CTNNA3: variants seen among roughly 807,000 people sequenced by gnomAD.
CTNNA3 encodes the protein catenin alpha-3.
Under a neutral mutation model 95.7 loss-of-function variants are expected in CTNNA3, and 76 were observed. That is an observed-to-expected ratio of 0.79 (90% CI 0.66 to 0.96). CTNNA3 has a LOEUF of 0.96. Among genes scored for constraint, CTNNA3 ranks in the 40% least tolerant of loss-of-function variants. The pLI is 0.00. For missense variants in CTNNA3, 1,191 were observed against 1,089.8 expected, an observed-to-expected ratio of 1.09 and a Z score of -1.31; for synonymous variants, 431 against 374.4, an observed-to-expected ratio of 1.15 and a Z score of -1.74.
chr10:66,660,014 G>T (rs1183703959), intron 9 of CTNNA3, among the ~76,000 whole-genome samples: 2 of 151,872 alleles, frequency 1.3e-5, no homozygotes, highest in African/African-American at 2.4e-5. Context: ...TAGTGACAGG[G>T]TCTCACTAAG....
At chr10:67,074,413 C>T (rs542182089) in intron 7 of CTNNA3, among the ~76,000 whole-genome samples, 5 of 135,432 alleles carry the variant, frequency 3.7e-5, no homozygotes, top group South Asian at 4.7e-4. Context: ...TGCAGTGGCA[C>T]GATCTCGGCT....
At chr10:67,089,254 G>C (rs1458435783) in intron 7 of CTNNA3, among the ~76,000 whole-genome samples, 1 of 151,984 alleles carries the variant, frequency 6.6e-6, no homozygotes, top group Non-Finnish European at 1.5e-5. Flanking sequence ...TAAAAATTAA[G>C]TACCAGGGCC....
chr10:66,906,337 A>G (rs997882366), intron 7 of CTNNA3, among the ~76,000 whole-genome samples: 1 of 152,206 alleles, frequency 6.6e-6, no homozygotes, highest in African/African-American at 2.4e-5. Context: ...GCCTAGAAAT[A>G]GCTTACAGGA....
At chr10:66,947,015 T>A (rs529179117) in intron 7 of CTNNA3, among the ~76,000 whole-genome samples, 1 of 152,274 alleles carries the variant, frequency 6.6e-6, no homozygotes, top group South Asian at 2.1e-4. Flanking sequence ...GAGGTAATCA[T>A]CTTTTTAAGT....
intron 9 of CTNNA3, among the ~76,000 whole-genome samples, chr10:66,729,361 T>G (rs1404328389): frequency 6.6e-6 from 1 of 152,234 alleles, no homozygotes. Flanking sequence ...AGAGTGCAAA[T>G]TAGTTCAACA....
chr10:67,280,476 G>A (rs1019696669), intron 5 of CTNNA3, among the ~76,000 whole-genome samples: 4 of 151,968 alleles, frequency 2.6e-5, no homozygotes, highest in Non-Finnish European at 5.9e-5. Flanking sequence ...TCCATTGAAA[G>A]GTAAGGAGAG....
rs1842822381 is a variant in CTNNA3, at chr10:66,834,335, T to G, written c.1048-58811A>C. Among the ~76,000 whole-genome samples the G allele has an allele frequency of 1.3e-5, 2 of 152,244 alleles. 1 individual carries two copies. The highest frequency in any genetic ancestry group is 4.1e-4 in the South Asian group (2 of 4,828). Reference sequence around the variant, plus strand: ...CGTCCTAAGGGTCCACTGTGTATCCTGACTGTGCTGAGTATTACAAGGGGC... The same window carrying G: ...CGTCCTAAGGGTCCACTGTGTATCCGGACTGTGCTGAGTATTACAAGGGGC... On this transcript the variant is annotated intron_variant, in intron 7 of 17. Transcript: ENST00000433211.
intron 8 of CTNNA3, among the ~76,000 whole-genome samples, chr10:66,773,281 T>C (rs1354794286): frequency 6.6e-6 from 1 of 152,168 alleles, no homozygotes; most frequent in Non-Finnish European, 1.5e-5. Context: ...CCTACTCCTA[T>C]TGAACTGGGA....
chr10:66,862,079 G>C (rs777969503), intron 7 of CTNNA3, among the ~76,000 whole-genome samples: 22 of 152,098 alleles, frequency 1.4e-4, no homozygotes, highest in Non-Finnish European at 2.9e-4. Flanking sequence ...GCCAGGTGTG[G>C]TGGCACATGC....
intron 9 of CTNNA3, among the ~76,000 whole-genome samples, chr10:66,690,440 G>A (rs2132534112): frequency 6.6e-6 from 1 of 151,330 alleles, no homozygotes; most frequent in African/African-American, 2.4e-5. Context: ...TCGTCATTTA[G>A]CATTAGGTAT....
At chr10:66,349,951 A>G (rs1343999171) in intron 12 of CTNNA3, among the ~76,000 whole-genome samples, 1 of 152,104 alleles carries the variant, frequency 6.6e-6, no homozygotes, top group Non-Finnish European at 1.5e-5. Flanking sequence ...CAGTTTACAG[A>G]GCCAAAGAAA....
intron 1 of CTNNA3, among the ~76,000 whole-genome samples, chr10:67,731,687 AGCTACTCGGGAGGCTGAGGCAGGAAAAT>A (rs1195204194): frequency 6.6e-6 from 1 of 151,016 alleles, no homozygotes; most frequent in Non-Finnish European, 1.5e-5. Flanking sequence ...CTGTAGTCCC[AGCTACTCGGGAGGCTGAGGCAGGAAAAT>A]GGCGTGAACC....
intron 7 of CTNNA3, among the ~76,000 whole-genome samples, chr10:67,164,389 A>G (rs1297166306): frequency 2.0e-5 from 3 of 152,128 alleles, no homozygotes; most frequent in Non-Finnish European, 4.4e-5. Context: ...GCAACTGGAT[A>G]TCAATAGGCA....
intron 11 of CTNNA3, among the ~76,000 whole-genome samples, chr10:66,432,519 G>A (rs528191092): frequency 1.8e-4 from 28 of 152,078 alleles, no homozygotes; most frequent in South Asian, 2.1e-4. Flanking sequence ...TTAGCCGGGC[G>A]TAGTGGTGGC....
intron 15 of CTNNA3, among the ~76,000 whole-genome samples, chr10:66,005,800 C>T (rs992711196): frequency 6.6e-6 from 1 of 151,968 alleles, no homozygotes; most frequent in African/African-American, 2.4e-5. Context: ...TCCTCTTTGA[C>T]ACCCATGGAC....
chr10:66,139,909 T>C (rs1426889669), intron 13 of CTNNA3, among the ~76,000 whole-genome samples: 2 of 152,202 alleles, frequency 1.3e-5, no homozygotes, highest in Non-Finnish European at 2.9e-5. Flanking sequence ...CTTTTCCTGA[T>C]GATTTTGTAA....
intron 5 of CTNNA3, among the ~76,000 whole-genome samples, chr10:67,339,079 G>A (rs1459999846): frequency 6.6e-6 from 1 of 152,182 alleles, no homozygotes; most frequent in African/African-American, 2.4e-5. Context: ...GTAGAATGGA[G>A]AAGTGGCTGA....
chr10:66,864,666 G>C (rs1175715468), intron 7 of CTNNA3, among the ~76,000 whole-genome samples: 1 of 151,700 alleles, frequency 6.6e-6, no homozygotes, highest in Non-Finnish European at 1.5e-5. Flanking sequence ...AATTTATTTT[G>C]GTTTCATTAT....
chr10:67,522,267 G>C (rs1758862826), intron 4 of CTNNA3, among the ~76,000 whole-genome samples: 1 of 152,068 alleles, frequency 6.6e-6, no homozygotes, highest in African/African-American at 2.4e-5. Context: ...ATATACTTCT[G>C]CTTTAAAATT....
Sources: allele counts gnomAD v4.1 joint callset (sites outside exome capture counted in the v4.1 genomes callset), GRCh38; gene constraint gnomAD v4.1.1; transcripts MANE v1.5; gene names NCBI Gene and HGNC (gene_info 2026-07-23, HGNC 2026-07-21).